Variants in SUN1 observed in about 807,000 individuals in gnomAD.
SUN1 encodes the protein Sad1 and UNC84 domain containing 1.
SUN1 carries 61 observed loss-of-function variants against 103.2 expected under a neutral mutation model. That is an observed-to-expected ratio of 0.59 (90% CI 0.48 to 0.73). SUN1 has a LOEUF of 0.73. Ranked by LOEUF, SUN1 falls within the 30% of genes least tolerant of loss-of-function variation. SUN1 has a pLI of 0.00. For missense variants in SUN1, 1,052 were observed against 1,034.6 expected (o/e 1.02, Z -0.23); for synonymous variants, 490 against 425.7 (o/e 1.15, Z -1.86).
chr7:856,600 C>G (rs1377917027), intron 12 of SUN1, among the ~76,000 whole-genome samples, 199 bp downstream of exon 12: 2 of 152,208 alleles, frequency 1.3e-5, no homozygotes, highest in African/African-American at 4.8e-5. Context: ...CCACATCCCC[C>G]TCCACGCGGC....
At chr7:856,089 A>C (rs1015692476) in intron 11 of SUN1, among the ~76,000 whole-genome samples, 2 of 151,912 alleles carry the variant, frequency 1.3e-5, no homozygotes, top group African/African-American at 4.8e-5. Flanking sequence ...CAGGGAGCTG[A>C]CTCCCAACCC....
chr7:865,235 G>A (rs1835508967), intron 15 of SUN1, among the ~76,000 whole-genome samples: 1 of 152,052 alleles, frequency 6.6e-6, no homozygotes, highest in South Asian at 2.1e-4. Flanking sequence ...AGCCTCCCAA[G>A]TAGCTGGGAT....
chr7:874,721 A>T lies in SUN1; in HGVS notation c.*1390A>T, dbSNP rs919209967. 4.6e-5 allele frequency: 7 copies of T among 152,182 alleles called. No homozygotes were observed. The highest frequency in any genetic ancestry group is 2.1e-4 in the South Asian group (1 of 4,834). The allele number at this position is 152,182 out of a possible 1,614,324, so 9.4% of individuals were successfully genotyped here. A position where few individuals can be genotyped will look rare whatever the true frequency, so the allele number is the denominator to read the frequency against. On this transcript the variant is annotated 3_prime_UTR_variant, in exon 19 of 19. Coordinates refer to ENST00000401592, the MANE Select transcript of SUN1 (RefSeq NM_001130965.3). Reference sequence around the variant, plus strand: ...ATTTCCTATATAAAACTGATTTGGGATTTGGGGTGGAAATATTTTGAATAT... The same window carrying T: ...ATTTCCTATATAAAACTGATTTGGGTTTTGGGGTGGAAATATTTTGAATAT...
chr7:849,781 A>G, intron 5 of SUN1: 2 of 1,116,120 alleles, frequency 1.8e-6, no homozygotes, highest in Admixed American at 1.8e-5. Context: ...TAGCCACCAG[A>G]TCGCATTTGC....
chr7:825,592 G>A (rs963699681), intron 1 of SUN1, among the ~76,000 whole-genome samples: 2 of 152,144 alleles, frequency 1.3e-5, no homozygotes, highest in African/African-American at 4.8e-5. Flanking sequence ...ATTTATTTCT[G>A]ATTTGTTGTT....
intron 15 of SUN1, among the ~76,000 whole-genome samples, chr7:863,031 A>G (rs575259225): frequency 1.9e-4 from 29 of 152,294 alleles, no homozygotes; most frequent in African/African-American, 5.1e-4. Flanking sequence ...AGTCCCAGCT[A>G]CTTGGGAGGC....
chr7:816,672 A>T, exon 1 of SUN1: 1 of 225,726 alleles, frequency 4.4e-6, no homozygotes, highest in Non-Finnish European at 9.0e-6. Context: ...GGCGCGAGGC[A>T]GGTGAGCTCC....
chr7:842,418 G>T, intron 3 of SUN1: 1 of 392,974 alleles, frequency 2.5e-6, no homozygotes, highest in South Asian at 5.0e-5. Flanking sequence ...TAGTTCCAAT[G>T]GGGAGATGAA....
chr7:854,667 C>CAGG (rs1197083086), intron 10 of SUN1, among the ~76,000 whole-genome samples: 5 of 152,210 alleles, frequency 3.3e-5, no homozygotes, highest in African/African-American at 9.6e-5. Flanking sequence ...CACCTGAGCC[C>CAGG]AGGAGGTGGA....
rs944633323 is a variant in SUN1 at position 854,937 on chromosome 7, T to C, written c.1281T>C (p.Phe427=). 2.5e-6 allele frequency: 4 copies of C among 1,613,486 alleles called. No individual in the cohort carries two copies. Among genetic ancestry groups the C allele is most frequent in the African/African-American group, 1.3e-5 (1 of 75,018 alleles). ...TTCCTAAGACTGACTTTATGGCCTT[T>C]CACCAAGAACATGAAGTGCGTATGT... ...QPPRETDFMA[F]HQEHEVRMSH... The change falls in exon 11 of 19, where the codon TTT becomes TTC. Residue 427 remains phenylalanine, a synonymous_variant. Coordinates refer to ENST00000401592, the MANE Select transcript of SUN1 (RefSeq NM_001130965.3).
At chr7:843,312 A>G in intron 4 of SUN1, 29 bp from the exon 5 acceptor site, 1 of 1,604,210 alleles carries the variant, frequency 6.2e-7, no homozygotes, top group Non-Finnish European at 8.5e-7. Flanking sequence ...TGTGATAAAC[A>G]GGTTCCATCT....
At chr7:831,954 T>C, upstream of SUN1, 3 of 738,832 alleles carry the variant, frequency 4.1e-6, no homozygotes, top group Non-Finnish European at 5.0e-6. Flanking sequence ...CTAAAAAATA[T>C]CCTGTTTTTT....
upstream of SUN1, chr7:832,430 A>G (rs1259859247): frequency 7.9e-7 from 1 of 1,269,854 alleles, no homozygotes; most frequent in Non-Finnish European, 1.1e-6. Flanking sequence ...TAGGCAGCTC[A>G]GGTTGACTGA....
intron 12 of SUN1, among the ~76,000 whole-genome samples, 188 bp from the exon 13 acceptor site, chr7:857,640 G>A (rs555157328): frequency 2.3e-4 from 35 of 152,222 alleles, no homozygotes; most frequent in Admixed American, 7.9e-4. Context: ...AACTGATGCA[G>A]AAGACAACCT....
At chr7:850,287 C>G (rs1820655271) in intron 5 of SUN1, 2 of 441,894 alleles carry the variant, frequency 4.5e-6, no homozygotes, top group African/African-American at 2.1e-5. Context: ...CAGCCTCCAC[C>G]TCCAGAGTTC....
At chr7:866,377 C>T (rs113681625) in intron 16 of SUN1, among the ~76,000 whole-genome samples, 211 of 152,260 alleles carry the variant, frequency 1.4e-3, no homozygotes, top group Admixed American at 3.1e-3. Context: ...GCAGCTGTTC[C>T]TGCTCGGGCC....
intron 5 of SUN1, among the ~76,000 whole-genome samples, chr7:844,330 G>C (rs540817717): frequency 1.3e-5 from 2 of 152,228 alleles, no homozygotes; most frequent in Non-Finnish European, 2.9e-5. Context: ...CTTGTCCTTC[G>C]AGCTCACGTT....
chr7:872,614 G>GT, intron 18 of SUN1, 52 bp downstream of exon 18: 2 of 1,431,830 alleles, frequency 1.4e-6, no homozygotes, highest in South Asian at 2.5e-5. Flanking sequence ...ACAACTTCTC[G>GT]TGACAGCAGG....
At chr7:863,681 TG>T (rs2128481236) in intron 15 of SUN1, among the ~76,000 whole-genome samples, 1 of 152,266 alleles carries the variant, frequency 6.6e-6, no homozygotes, top group Non-Finnish European at 1.5e-5. Flanking sequence ...TCACTGTAAT[TG>T]GTAATTATTG....
Sources: gnomAD v4.1 joint callset for allele counts (sites outside exome capture counted in the v4.1 genomes callset) on GRCh38, gnomAD v4.1.1 for gene constraint, MANE v1.5 for transcripts, NCBI Gene and HGNC (gene_info 2026-07-23, HGNC 2026-07-21) for gene names.